Variants in APP observed in about 807,000 individuals in gnomAD.
APP encodes amyloid-beta precursor protein.
APP carries 31 observed loss-of-function variants against 101.4 expected under a neutral mutation model. The observed-to-expected ratio is 0.31, with a 90% confidence interval of 0.23 to 0.41. APP has a LOEUF of 0.41. APP is among the 10% of genes least tolerant of loss of function. APP has a pLI of 1.00. For missense variants in APP, 839 were observed against 1,003.7 expected (o/e 0.84, Z 2.22); for synonymous variants, 366 against 364.4 (o/e 1.00, Z -0.05).
intron 1 of APP, among the ~76,000 whole-genome samples, chr21:26,139,777 C>T (rs151098736): frequency 6.6e-6 from 1 of 152,078 alleles, no homozygotes; most frequent in Non-Finnish European, 1.5e-5. Context: ...CCTGTAGTCC[C>T]AGCTACTCAG....
At chr21:25,988,393 A>C (rs1055530736) in intron 8 of APP, among the ~76,000 whole-genome samples, 2 of 152,168 alleles carry the variant, frequency 1.3e-5, no homozygotes, top group African/African-American at 4.8e-5. Context: ...CAAAAGTAGA[A>C]GGAAGATCTT....
intron 11 of APP, among the ~76,000 whole-genome samples, chr21:25,960,532 A>G (rs967320440): frequency 5.3e-5 from 8 of 152,012 alleles, no homozygotes; most frequent in Non-Finnish European, 1.2e-4. Context: ...TTTAGCTTTT[A>G]GTATTTAACT....
At position 25,975,128 on chromosome 21, in the gene APP, T is replaced by C; in HGVS notation, c.1400A>G (p.Asp467Gly). 6.2e-7 allele frequency: 1 copy of C among 1,614,022 alleles called. No individual in the cohort carries two copies. The highest frequency in any genetic ancestry group is 8.5e-7 in the Non-Finnish European group (1 of 1,179,994). The change falls in exon 11 of 18, where the codon GAC (aspartate) becomes GGC (glycine). Residue 467 changes from aspartate (D) to glycine (G), a missense_variant. Coordinates refer to ENST00000346798, the MANE Select transcript of APP (RefSeq NM_000484.4). ...GTTCTCCAGGGCCAGGCGGCGGCGG[T>C]CATTGAGCATGGCTTCCACTCTGGC... ...HMARVEAMLNDRRRLALENYI... is the reference protein window; with the variant it reads ...HMARVEAMLNGRRRLALENYI...
At chr21:25,968,053 T>C (rs2041864320) in intron 11 of APP, among the ~76,000 whole-genome samples, 1 of 151,694 alleles carries the variant, frequency 6.6e-6, no homozygotes, top group Non-Finnish European at 1.5e-5. Context: ...AGAGTAAGAG[T>C]TTTTTCTGAG....
At chr21:25,938,068 C>T (rs2040427444) in intron 13 of APP, among the ~76,000 whole-genome samples, 1 of 152,208 alleles carries the variant, frequency 6.6e-6, no homozygotes, top group Admixed American at 6.5e-5. Flanking sequence ...GCCACCATGC[C>T]TGGCCTTTTA....
rs1555833950 is a variant in APP at position 25,975,977 on chromosome 21, C to T, written c.1276G>A (p.Ala426Thr). Residue 426 changes from alanine to threonine, a missense_variant, in exon 10 of 18, where the codon GCT becomes ACT. Coordinates refer to ENST00000346798, the MANE Select transcript of APP (RefSeq NM_000484.4). ...ACCTGGATAACTGCCTTCTTATCAG[C>T]TTTAGGCAAGTTCTTTGCTTGACGT... ...AERQAKNLPK[A>T]DKKAVIQHFQ... The T allele has an allele frequency of 1.2e-6, 2 of 1,613,890 alleles. No individual in the cohort carries two copies. Among genetic ancestry groups the T allele is most frequent in the Non-Finnish European group, 1.7e-6 (2 of 1,179,876 alleles).
In APP at chr21:25,991,941, A is replaced by G. The variant is rs140128556; in HGVS notation, c.1090+5419T>C. Among the ~76,000 whole-genome samples the G allele has an allele frequency of 1.4e-3, 216 of 152,364 alleles. 2 individuals carry two copies. Among genetic ancestry groups the G allele is most frequent in the Non-Finnish European group, 2.6e-3 (174 of 68,030 alleles). ...TAATGAACATTCTTTTACCACAGGT[A>G]GAACATCTCTAATCTGAGAATCTGA... On this transcript the variant is annotated intron_variant, in intron 8 of 17. Coordinates refer to ENST00000346798, the MANE Select transcript of APP (RefSeq NM_000484.4).
At chr21:26,077,160 T>C (rs895726022) in intron 3 of APP, among the ~76,000 whole-genome samples, 5 of 152,132 alleles carry the variant, frequency 3.3e-5, no homozygotes, top group African/African-American at 4.8e-5. Flanking sequence ...CCATCAAATA[T>C]AGGCCTCCTT....
chr21:26,165,061 C>T (rs1159505462), intron 1 of APP, among the ~76,000 whole-genome samples: 1 of 152,088 alleles, frequency 6.6e-6, no homozygotes, highest in South Asian at 2.1e-4. Flanking sequence ...AATTTTATAA[C>T]ATGTATTCTA....
chr21:25,889,524 G>T (rs2037552095), intron 17 of APP, among the ~76,000 whole-genome samples: 1 of 152,188 alleles, frequency 6.6e-6, no homozygotes, highest in Admixed American at 6.5e-5. Context: ...GCAACAAAGA[G>T]AATTATATTA....
chr21:26,050,034 T>C (rs1201543891), intron 5 of APP, among the ~76,000 whole-genome samples: 1 of 152,132 alleles, frequency 6.6e-6, no homozygotes, highest in Non-Finnish European at 1.5e-5. Context: ...GGGGTAACCA[T>C]ATGACCCAGT....
At chr21:26,168,411 G>C (rs1026686035) in intron 1 of APP, among the ~76,000 whole-genome samples, 2 of 152,058 alleles carry the variant, frequency 1.3e-5, no homozygotes, top group Non-Finnish European at 2.9e-5. Flanking sequence ...CCAACACTTC[G>C]CAAAATGGCA....
intron 1 of APP, among the ~76,000 whole-genome samples, chr21:26,133,759 G>A (rs868107425): frequency 1.3e-5 from 2 of 152,152 alleles, no homozygotes; most frequent in Non-Finnish European, 2.9e-5. Context: ...GCGACAGAGC[G>A]AGACTCTGTC....
At chr21:25,960,600 G>A (rs1208376429) in intron 11 of APP, among the ~76,000 whole-genome samples, 1 of 152,044 alleles carries the variant, frequency 6.6e-6, no homozygotes. Context: ...GTGAGATTTG[G>A]CCTGCCACAA....
chr21:26,065,082 G>A (rs553713931), intron 3 of APP, among the ~76,000 whole-genome samples: 4 of 152,246 alleles, frequency 2.6e-5, no homozygotes, highest in East Asian at 1.9e-4. Flanking sequence ...TTGGACTTCC[G>A]ACCTCAAATG....
intron 13 of APP, among the ~76,000 whole-genome samples, chr21:25,950,550 CTTTCTATTT>C (rs2041028993): frequency 1.3e-5 from 2 of 151,758 alleles, no homozygotes; most frequent in Non-Finnish European, 1.5e-5. Context: ...CCTGGCTAAT[CTTTCTATTT>C]TTAGTAGAGA....
chr21:25,898,549 C>T (rs574536241), intron 15 of APP, among the ~76,000 whole-genome samples: 1 of 152,292 alleles, frequency 6.6e-6, no homozygotes, highest in South Asian at 2.1e-4. Context: ...ACCGTGTTCC[C>T]ACCCAGGGGC....
chr21:25,883,042 G>A (rs932912485), intron 17 of APP, among the ~76,000 whole-genome samples: 2 of 152,156 alleles, frequency 1.3e-5, no homozygotes, highest in African/African-American at 4.8e-5. Context: ...TAAGACATGA[G>A]GTCTCGAGAT....
chr21:25,998,845 C>T (rs143779416), intron 7 of APP, among the ~76,000 whole-genome samples: 8 of 152,188 alleles, frequency 5.3e-5, no homozygotes, highest in Non-Finnish European at 8.8e-5. Flanking sequence ...ACTTGGAAGT[C>T]TGTTAACGAC....
Sources: allele counts gnomAD v4.1 joint callset (sites outside exome capture counted in the v4.1 genomes callset), GRCh38; gene constraint gnomAD v4.1.1; transcripts MANE v1.5; gene names NCBI Gene and HGNC (gene_info 2026-07-23, HGNC 2026-07-21).